RRP12: variants seen among roughly 807,000 people sequenced by gnomAD.
RRP12 encodes the protein RRP12-like protein.
In RRP12, 78 loss-of-function variants were observed where a neutral mutation model predicts 157.3. That is an observed-to-expected ratio of 0.50 (90% CI 0.41 to 0.60). RRP12 has a LOEUF of 0.60. Ranked by LOEUF, RRP12 falls within the 20% of genes least tolerant of loss-of-function variation. The pLI is 0.00. For missense variants in RRP12, 1,521 were observed against 1,679.9 expected, an observed-to-expected ratio of 0.91 and a Z score of 1.65; for synonymous variants, 726 against 670.9, an observed-to-expected ratio of 1.08 and a Z score of -1.27.
chr10:97,372,680 C>T, intron 19 of RRP12, 56 bp downstream of exon 19: 2 of 1,396,204 alleles, frequency 1.4e-6, no homozygotes, highest in Non-Finnish European at 2.0e-6. Flanking sequence ...CTGCCAGATG[C>T]ACCCTCCAGC....
chr10:97,375,251 C>T (rs1342953845), intron 15 of RRP12, among the ~76,000 whole-genome samples: 1 of 133,082 alleles, frequency 7.5e-6, no homozygotes, highest in Admixed American at 8.4e-5. Context: ...GCCTACCACA[C>T]CTGGCTAACT....
intron 12 of RRP12, among the ~76,000 whole-genome samples, chr10:97,381,128 C>A (rs1358981225): frequency 2.0e-5 from 3 of 152,190 alleles, no homozygotes. Context: ...TAAAGAAAAA[C>A]CAATGAGGTA....
chr10:97,399,988 AT>A (rs1845092185), intron 2 of RRP12, among the ~76,000 whole-genome samples: 1 of 152,160 alleles, frequency 6.6e-6, no homozygotes, highest in Non-Finnish European at 1.5e-5. Flanking sequence ...ACGTTTCCTA[AT>A]CACTGTTACT....
rs1844226394 is a variant in RRP12 at position 97,373,741 on chromosome 10, G to A, written c.1864-4C>T. ...ACCCAGGCAGGAGTGTCCACATCTG[G>A]AGAAGGAGGGGACAATAAAGGAAGG... On this transcript the variant is annotated splice_polypyrimidine_tract_variant and splice_region_variant and intron_variant, in intron 16 of 33. Transcript: ENST00000370992. 1 of 1,612,272 alleles carries A rather than the reference G, an allele frequency of 6.2e-7. No individual in the cohort carries two copies. The highest frequency in any genetic ancestry group is 8.5e-7 in the Non-Finnish European group (1 of 1,178,622).
chr10:97,400,586 A>G, intron 1 of RRP12, 52 bp from the exon 2 acceptor site: 1 of 1,472,742 alleles, frequency 6.8e-7, no homozygotes, highest in Non-Finnish European at 9.4e-7. Flanking sequence ...GGTCAAGAGA[A>G]CAGAACAACC....
intron 4 of RRP12, among the ~76,000 whole-genome samples, chr10:97,391,856 G>A (rs964796432): frequency 2.0e-5 from 3 of 152,092 alleles, no homozygotes; most frequent in Admixed American, 6.5e-5. Context: ...AGGAGGTGGA[G>A]TTGCAGTGGG....
chr10:97,371,593 G>A (rs574343034), intron 20 of RRP12: 1 of 184,828 alleles, frequency 5.4e-6, no homozygotes, highest in South Asian at 1.2e-4. Context: ...GTGGCAATGG[G>A]GGCAGCTTTC....
At chr10:97,371,995 T>C in intron 20 of RRP12, 78 bp downstream of exon 20, 1 of 973,064 alleles carries the variant, frequency 1.0e-6, no homozygotes, top group South Asian at 1.4e-5. Flanking sequence ...GACAAAGACA[T>C]GAAGACAGGC....
At chr10:97,383,794 A>G (rs1844535279) in intron 10 of RRP12, among the ~76,000 whole-genome samples, 2 of 152,234 alleles carry the variant, frequency 1.3e-5, no homozygotes, top group Admixed American at 1.3e-4. Flanking sequence ...TCCCATGGCC[A>G]GGAAACTGAG....
chr10:97,366,322 C>T, intron 28 of RRP12, 89 bp from the exon 29 acceptor site: 3 of 1,573,060 alleles, frequency 1.9e-6, no homozygotes, highest in Non-Finnish European at 2.6e-6. Flanking sequence ...CTCAGGGATC[C>T]CAAACGGGCG....
intron 20 of RRP12, chr10:97,371,640 T>G (rs72838760): frequency 0.014 from 2,711 of 187,704 alleles, 33 homozygotes; most frequent in Middle Eastern, 0.021. Flanking sequence ...GCAGGGTTGC[T>G]GGCCACAGCA....
intron 31 of RRP12, among the ~76,000 whole-genome samples, 182 bp downstream of exon 31, chr10:97,360,364 C>A (rs192743588): frequency 6.6e-6 from 1 of 152,268 alleles, no homozygotes; most frequent in Admixed American, 6.5e-5. Flanking sequence ...TCTCTCACAC[C>A]CCCAGGGCCC....
chr10:97,357,143 C>T lies in RRP12; in HGVS notation c.3845G>A (p.Arg1282Gln), dbSNP rs374119517. The T allele has an allele frequency of 1.2e-5, 20 of 1,613,506 alleles. No individual in the cohort carries two copies. Among genetic ancestry groups the T allele is most frequent in the African/African-American group, 1.3e-5 (1 of 74,898 alleles). Reference sequence around the variant, plus strand: ...GTTTTTGTGTCCCACCTGGGAACCTCGCCGGGCAGCCTTCACCAGGCCTTT... The same window carrying T: ...GTTTTTGTGTCCCACCTGGGAACCTTGCCGGGCAGCCTTCACCAGGCCTTT... ...QFKGLVKAAR[R>Q]GSQVGHKNRR... is the part of the protein sequence containing the mutation. Residue 1282 changes from arginine (R) to glutamine (Q), a missense_variant, in exon 34 of 34, where the codon CGA (arginine) becomes CAA (glutamine). Transcript: ENST00000370992.
At chr10:97,360,521 C>CA in intron 31 of RRP12, 25 bp downstream of exon 31, 1 of 1,580,360 alleles carries the variant, frequency 6.3e-7, no homozygotes, top group Admixed American at 1.7e-5. Flanking sequence ...CCATGTGTCC[C>CA]AGGAGAGAGG....
chr10:97,388,676 T>C, intron 6 of RRP12, 52 bp from the exon 7 acceptor site: 3 of 1,596,388 alleles, frequency 1.9e-6, no homozygotes, highest in Non-Finnish European at 2.6e-6. Context: ...TCCACCAGCA[T>C]CTTGGGTGTC....
Position 97,366,782 on chromosome 10 carries a change from C to G in RRP12, c.3175G>C (p.Glu1059Gln), listed in dbSNP as rs143678125. 1.4e-5 allele frequency: 22 copies of G among 1,614,092 alleles called. No individual in the cohort carries two copies. The highest frequency in any genetic ancestry group is 1.9e-5 in the Non-Finnish European group (22 of 1,180,030). Residue 1059 changes from glutamate (E) to glutamine (Q), a missense_variant, in exon 27 of 34, where the codon GAG (glutamate) becomes CAG (glutamine). By Grantham distance (29) the Glu-to-Gln change is conservative (BLOSUM62 2). Transcript: ENST00000370992. The stretch of plus-strand genomic sequence containing the variant: ...TGGGCGGGCTCCTCCTCCTCCTCCT[C>G]CTCTTCTTCCTCCTCCACGGCAGCC... ...SQAAVEEEEE[E>Q]EEEEEPAQGK...
chr10:97,377,188 G>A (rs1209546861), intron 15 of RRP12, among the ~76,000 whole-genome samples: 3 of 151,520 alleles, frequency 2.0e-5, no homozygotes, highest in South Asian at 2.1e-4. Context: ...CCCACGGTAC[G>A]TATGATTTCT....
intron 6 of RRP12, among the ~76,000 whole-genome samples, chr10:97,389,238 C>T (rs376331655): frequency 1.3e-4 from 20 of 152,192 alleles, no homozygotes; most frequent in African/African-American, 4.6e-4. Context: ...GGACTACAGG[C>T]GCCCGCCACC....
At chr10:97,397,405 G>T (rs1350047891) in intron 2 of RRP12, among the ~76,000 whole-genome samples, 1 of 151,950 alleles carries the variant, frequency 6.6e-6, no homozygotes, top group African/African-American at 2.4e-5. Flanking sequence ...CAAGTGATCT[G>T]CCCGCCTCGG....
Sources: allele counts gnomAD v4.1 joint callset (sites outside exome capture counted in the v4.1 genomes callset), GRCh38; gene constraint gnomAD v4.1.1; transcripts MANE v1.5; gene names NCBI Gene and HGNC (gene_info 2026-07-23, HGNC 2026-07-21).